BAIAP2L1: variants seen among roughly 807,000 people sequenced by gnomAD.
BAIAP2L1 encodes BAR/IMD domain containing adaptor protein 2 like 1.
A neutral mutation model predicts 66.3 loss-of-function variants in BAIAP2L1; 35 were observed. The ratio of observed to expected loss-of-function variants is 0.53; its 90% CI spans 0.40 to 0.70. The LOEUF (loss-of-function observed/expected upper bound fraction) is 0.70. BAIAP2L1 is among the 30% of genes least tolerant of loss of function. BAIAP2L1 has a pLI of 0.00. For missense variants in BAIAP2L1, 622 were observed against 656.9 expected (o/e 0.95, Z 0.58); for synonymous variants, 269 against 248.7 (o/e 1.08, Z -0.77).
chr7:98,360,095 G>C (rs967235959), intron 2 of BAIAP2L1, among the ~76,000 whole-genome samples: 4 of 151,780 alleles, frequency 2.6e-5, no homozygotes, highest in Admixed American at 6.6e-5. Context: ...GCTAAATTTT[G>C]TATTTTTAGT....
At chr7:98,388,899 G>A (rs772531602) in intron 1 of BAIAP2L1, among the ~76,000 whole-genome samples, 6 of 151,546 alleles carry the variant, frequency 4.0e-5, no homozygotes, top group Non-Finnish European at 8.8e-5. Flanking sequence ...GCTTTAGCCT[G>A]GGACGTTGAG....
At chr7:98,335,807 A>C (rs1801605519) in intron 3 of BAIAP2L1, among the ~76,000 whole-genome samples, 1 of 152,110 alleles carries the variant, frequency 6.6e-6, no homozygotes, top group African/African-American at 2.4e-5. Context: ...CTTCAGTCCC[A>C]TTCTTGAGAC....
chr7:98,315,195 C>T, intron 7 of BAIAP2L1, among the ~76,000 whole-genome samples: 1 of 152,176 alleles, frequency 6.6e-6, no homozygotes, highest in East Asian at 1.9e-4. Context: ...AATCATGGCT[C>T]ACTGCAGCCT....
intron 3 of BAIAP2L1, among the ~76,000 whole-genome samples, chr7:98,343,284 C>CACACAG (rs1801791073): frequency 7.3e-6 from 1 of 137,628 alleles, no homozygotes; most frequent in African/African-American, 2.6e-5. Flanking sequence ...CACACACACA[C>CACACAG]ACAGACACAC....
intron 1 of BAIAP2L1, among the ~76,000 whole-genome samples, chr7:98,392,447 T>C (rs1323715300): frequency 6.6e-6 from 1 of 152,154 alleles, no homozygotes; most frequent in African/African-American, 2.4e-5. Flanking sequence ...GGAGGGCATT[T>C]TGCAATGTGG....
intron 11 of BAIAP2L1, among the ~76,000 whole-genome samples, chr7:98,305,808 C>T (rs1217592072): frequency 6.6e-6 from 1 of 152,180 alleles, no homozygotes; most frequent in African/African-American, 2.4e-5. Flanking sequence ...GTCCTTTGGA[C>T]AGTCTCTAGG....
chr7:98,355,351 C>T (rs2240349), intron 2 of BAIAP2L1: 229,318 of 553,122 alleles, frequency 0.41, 52,035 homozygotes, highest in Middle Eastern at 0.54. Flanking sequence ...TGACCAGCCC[C>T]GGGGAACCTT....
chr7:98,298,481 C>T (rs1290816801), intron 12 of BAIAP2L1, among the ~76,000 whole-genome samples: 7 of 151,884 alleles, frequency 4.6e-5, no homozygotes, highest in African/African-American at 1.4e-4. Flanking sequence ...GGCGTAGTGG[C>T]GGGCGCCTGT....
chr7:98,314,210 T>G (rs1800989114), intron 7 of BAIAP2L1, among the ~76,000 whole-genome samples: 1 of 152,096 alleles, frequency 6.6e-6, no homozygotes, highest in Non-Finnish European at 1.5e-5. Flanking sequence ...CTCAAACTCC[T>G]GACCTCAAGT....
chr7:98,359,576 G>A (rs1802217936), intron 2 of BAIAP2L1, among the ~76,000 whole-genome samples: 1 of 151,624 alleles, frequency 6.6e-6, no homozygotes, highest in African/African-American at 2.4e-5. Context: ...CGGCCGACTT[G>A]CTGTCTTTTA....
At chr7:98,370,025 T>C (rs565354865) in intron 1 of BAIAP2L1, among the ~76,000 whole-genome samples, 1 of 151,866 alleles carries the variant, frequency 6.6e-6, no homozygotes, top group South Asian at 2.1e-4. Context: ...CATCTTAAAA[T>C]ACGAAGAACA....
rs542066953 is a variant in BAIAP2L1, at chr7:98,302,714, G to C, written c.1422+1482C>G. Among the ~76,000 whole-genome samples the C allele has an allele frequency of 2.6e-5, 4 of 152,284 alleles. No homozygotes were observed. The South Asian group carries it at 8.3e-4, about 32-fold the overall frequency. ...GAGGGGGGACCTGTAGCTAGAAAAG[G>C]CCTCACGAGCCCTATCCACCAATTA... On this transcript the variant is annotated intron_variant, in intron 12 of 13. Transcript: ENST00000005260.
chr7:98,385,634 G>A (rs866668425), intron 1 of BAIAP2L1, among the ~76,000 whole-genome samples: 1 of 151,748 alleles, frequency 6.6e-6, no homozygotes, highest in Non-Finnish European at 1.5e-5. Flanking sequence ...GGCTGGTCTC[G>A]AACTCCTGAC....
intron 1 of BAIAP2L1, among the ~76,000 whole-genome samples, chr7:98,400,601 G>A (rs1347449161): frequency 1.5e-5 from 2 of 137,734 alleles, no homozygotes; most frequent in Non-Finnish European, 3.2e-5. Flanking sequence ...GGATGGGGAG[G>A]GACTGGGAGG....
chr7:98,312,762 G>GA (rs1800919481), intron 7 of BAIAP2L1, among the ~76,000 whole-genome samples: 1 of 152,194 alleles, frequency 6.6e-6, no homozygotes, highest in Admixed American at 6.5e-5. Flanking sequence ...GAGGGACTGG[G>GA]TGAGTGGTGG....
At chr7:98,367,575 G>A (rs550972774) in intron 1 of BAIAP2L1, among the ~76,000 whole-genome samples, 3 of 139,474 alleles carry the variant, frequency 2.2e-5, no homozygotes, top group Middle Eastern at 4.2e-3. Flanking sequence ...TCGCTCTGTC[G>A]CCCAGGCTAG....
At chr7:98,308,459 A>G (rs530506596) in intron 9 of BAIAP2L1, 3 of 367,372 alleles carry the variant, frequency 8.2e-6, no homozygotes, top group East Asian at 1.5e-4. Flanking sequence ...AATGTCTCAC[A>G]GCTGCCATCC....
chr7:98,372,733 G>GTTTTTTT (rs34330041), intron 1 of BAIAP2L1, among the ~76,000 whole-genome samples: 3 of 93,762 alleles, frequency 3.2e-5, no homozygotes, highest in African/African-American at 4.3e-5. Context: ...ATCGATTTTG[G>GTTTTTTT]TTTTTTTTTT....
At chr7:98,362,502 C>T (rs1285297173) in intron 1 of BAIAP2L1, 70 bp from the exon 2 acceptor site, 17 of 1,351,898 alleles carry the variant, frequency 1.3e-5, no homozygotes, top group East Asian at 2.3e-5. Flanking sequence ...GATTTTGTCA[C>T]TGTGTGGCCC....
Sources: allele counts gnomAD v4.1 joint callset (sites outside exome capture counted in the v4.1 genomes callset), GRCh38; gene constraint gnomAD v4.1.1; transcripts MANE v1.5; gene names NCBI Gene and HGNC (gene_info 2026-07-23, HGNC 2026-07-21).